The following SCAPER variants were observed in gnomAD, a reference collection of about 807,000 sequenced individuals.
SCAPER encodes S-phase cyclin A associated protein in the ER.
A neutral mutation model predicts 182.2 loss-of-function variants in SCAPER; 98 were observed. That is an observed-to-expected ratio of 0.54 (90% confidence interval 0.46 to 0.64). The LOEUF is 0.64. SCAPER is among the 30% of genes least tolerant of loss of function. SCAPER has a pLI of 0.00. For synonymous variants in SCAPER, 605 were observed against 564.6 expected, an observed-to-expected ratio of 1.07 and a Z score of -1.01; for missense variants, 1,432 against 1,690.0, an observed-to-expected ratio of 0.85 and a Z score of 2.68.
At chr15:76,361,915 G>A (rs1206666763) in intron 29 of SCAPER, among the ~76,000 whole-genome samples, 4 of 152,050 alleles carry the variant, frequency 2.6e-5, no homozygotes, top group Non-Finnish European at 4.4e-5. Context: ...AGCATAACTG[G>A]TTTAAGATGG....
intron 21 of SCAPER, among the ~76,000 whole-genome samples, chr15:76,646,030 G>A (rs887814345): frequency 2.0e-5 from 3 of 152,102 alleles, no homozygotes; most frequent in Non-Finnish European, 4.4e-5. Flanking sequence ...TTGACGCTAT[G>A]TCAATTCTTG....
chr15:76,628,217 C>T (rs766429937), intron 21 of SCAPER, among the ~76,000 whole-genome samples: 62 of 152,196 alleles, frequency 4.1e-4, no homozygotes, highest in Non-Finnish European at 7.4e-4. Context: ...AAATTTTCTC[C>T]CATTCTGTAG....
rs1036824455 is a variant in SCAPER, at chr15:76,745,373, C to G, written c.1866+8435G>C. On this transcript the variant is annotated intron_variant, in intron 15 of 31. Coordinates refer to ENST00000563290, the MANE Select transcript of SCAPER (RefSeq NM_020843.4). ...CTGAGGCGGGAGAATGGCTTGAACC[C>G]GGGAGGCAGCTGTGTCAGTGAGCTG... 2.6e-5 allele frequency among the ~76,000 whole-genome samples: 4 copies of G among 152,202 alleles called. No homozygotes were observed. The South Asian group carries it at 8.3e-4, about 32-fold the overall frequency.
chr15:76,821,736 T>C (rs1254917277), intron 5 of SCAPER, among the ~76,000 whole-genome samples: 1 of 151,896 alleles, frequency 6.6e-6, no homozygotes, highest in Non-Finnish European at 1.5e-5. Context: ...CGAGACTTCA[T>C]CCCTACTAAA....
chr15:76,408,828 A>G (rs1249031725), intron 26 of SCAPER, among the ~76,000 whole-genome samples: 1 of 152,092 alleles, frequency 6.6e-6, no homozygotes, highest in African/African-American at 2.4e-5. Flanking sequence ...GTCTAAAGTG[A>G]TCACACAAAA....
intron 2 of SCAPER, among the ~76,000 whole-genome samples, chr15:76,880,192 A>G (rs1207331426): frequency 6.6e-6 from 1 of 152,218 alleles, no homozygotes; most frequent in African/African-American, 2.4e-5. Flanking sequence ...TCTTTTCTTG[A>G]TAACTTCAGG....
intron 27 of SCAPER, among the ~76,000 whole-genome samples, chr15:76,390,531 T>G (rs1411510921): frequency 6.6e-6 from 1 of 152,120 alleles, no homozygotes; most frequent in Non-Finnish European, 1.5e-5. Flanking sequence ...GGTGAATGGA[T>G]GAAGGGGCAG....
At chr15:76,515,699 A>G (rs1260294877) in intron 23 of SCAPER, among the ~76,000 whole-genome samples, 1 of 152,240 alleles carries the variant, frequency 6.6e-6, no homozygotes, top group Non-Finnish European at 1.5e-5. Context: ...AAACTAAATC[A>G]TAATGATTAT....
chr15:76,754,130 C>T (rs1278491651), intron 14 of SCAPER, among the ~76,000 whole-genome samples, 182 bp from the exon 15 acceptor site: 2 of 152,116 alleles, frequency 1.3e-5, no homozygotes, highest in South Asian at 4.2e-4. Flanking sequence ...TCTACATTGG[C>T]CACTTACTAG....
chr15:76,629,127 G>A (rs955973887), intron 21 of SCAPER, among the ~76,000 whole-genome samples: 4 of 152,186 alleles, frequency 2.6e-5, no homozygotes, highest in African/African-American at 9.6e-5. Flanking sequence ...TGTATCGTGA[G>A]ACTTTGCTTA....
At chr15:76,894,263 G>C (rs1471100582) in intron 1 of SCAPER, among the ~76,000 whole-genome samples, 3 of 143,608 alleles carry the variant, frequency 2.1e-5, no homozygotes, top group African/African-American at 4.9e-5. Flanking sequence ...AAAAAAAAAA[G>C]ACACAGACAG....
chr15:76,399,322 G>C (rs1207477879), intron 27 of SCAPER, among the ~76,000 whole-genome samples: 1 of 152,026 alleles, frequency 6.6e-6, no homozygotes, highest in Non-Finnish European at 1.5e-5. Flanking sequence ...ATTTTTAGTA[G>C]AGATGGGGTT....
At chr15:76,505,069 C>G (rs2143832841) in intron 23 of SCAPER, 95 bp from the exon 24 acceptor site, 6 of 802,594 alleles carry the variant, frequency 7.5e-6, no homozygotes, top group Non-Finnish European at 1.2e-5. Context: ...GATGGTTCAA[C>G]TATTCTACAA....
intron 2 of SCAPER, among the ~76,000 whole-genome samples, chr15:76,873,712 T>C (rs1456702697): frequency 6.6e-6 from 1 of 152,200 alleles, no homozygotes; most frequent in Non-Finnish European, 1.5e-5. Flanking sequence ...ATATTTGACA[T>C]ATTCAGAACC....
chr15:76,655,332 A>G (rs1224648094), intron 21 of SCAPER, among the ~76,000 whole-genome samples: 1 of 152,032 alleles, frequency 6.6e-6, no homozygotes, highest in Non-Finnish European at 1.5e-5. Context: ...TCCAAATTAA[A>G]TCAGACAAAC....
intron 1 of SCAPER, among the ~76,000 whole-genome samples, chr15:76,890,277 T>C (rs949948844): frequency 1.3e-5 from 2 of 151,708 alleles, no homozygotes; most frequent in African/African-American, 4.8e-5. Flanking sequence ...CAAGAGCAAA[T>C]AAATTCAAAA....
intron 20 of SCAPER, among the ~76,000 whole-genome samples, chr15:76,699,493 G>A (rs1041383275): frequency 2.6e-5 from 4 of 152,076 alleles, no homozygotes; most frequent in African/African-American, 4.8e-5. Flanking sequence ...TTTCATCTTC[G>A]AAATTGCTGT....
chr15:76,797,215 C>T (rs2065393376), intron 7 of SCAPER: 1 of 152,164 alleles, frequency 6.6e-6, no homozygotes, highest in Non-Finnish European at 1.5e-5. Flanking sequence ...AAGCAAACTA[C>T]TTACCAACCC....
chr15:76,822,888 C>T (rs1242394770), intron 5 of SCAPER, among the ~76,000 whole-genome samples: 3 of 152,140 alleles, frequency 2.0e-5, no homozygotes. Context: ...ACAGTCAAAG[C>T]TGTCATTTAA....
Sources: gnomAD v4.1 joint callset for allele counts (sites outside exome capture counted in the v4.1 genomes callset) on GRCh38, gnomAD v4.1.1 for gene constraint, MANE v1.5 for transcripts, NCBI Gene and HGNC (gene_info 2026-07-23, HGNC 2026-07-21) for gene names.